Variants in HLTF observed in about 807,000 individuals in gnomAD.
HLTF encodes the protein DNA-dependent ATPase/E3 ubiquitin-protein ligase HLTF.
Under a neutral mutation model 129.4 loss-of-function variants are expected in HLTF, and 127 were observed. That is an observed-to-expected ratio of 0.98 (90% confidence interval 0.85 to 1.14). The LOEUF (loss-of-function observed/expected upper bound fraction) is 1.14, where lower values mean the gene tolerates loss of function less well. Ranked by LOEUF, HLTF falls within the 50% of genes most tolerant of loss-of-function variation. The pLI is 0.00. For synonymous variants in HLTF, 332 were observed against 388.8 expected (o/e 0.85, Z 1.72); for missense variants, 1,139 against 1,187.1 (o/e 0.96, Z 0.60).
At chr3:149,071,002 G>A (rs1395461130) in intron 7 of HLTF, among the ~76,000 whole-genome samples, 3 of 150,876 alleles carry the variant, frequency 2.0e-5, no homozygotes, top group Non-Finnish European at 2.9e-5. Context: ...CCAAGATCGC[G>A]TCACTGCACT....
At chr3:149,071,515 CA>C in intron 6 of HLTF, 67 bp downstream of exon 6, 1 of 1,484,726 alleles carries the variant, frequency 6.7e-7, no homozygotes, top group South Asian at 1.2e-5. Context: ...TGTGATTAAA[CA>C]AAAAGTAGAT....
rs539554684 is a variant in HLTF, at chr3:149,061,505, G to A, written c.1161-647C>T. 3.9e-5 allele frequency among the ~76,000 whole-genome samples: 6 copies of A among 152,068 alleles called. No homozygotes were observed. The South Asian group carries it at 1.0e-3, about 26-fold the overall frequency. On this transcript the variant is annotated intron_variant, in intron 10 of 24. Coordinates refer to ENST00000310053, the MANE Select transcript of HLTF (RefSeq NM_003071.4). ...ATTTCAATACCAGGTTTAATATTTG[G>A]TAGTTCAATTAAAGCATATAAAACT...
rs569179871 is a variant in HLTF, at chr3:149,062,251, T to G, written c.1160+1180A>C. Reference sequence around the variant, plus strand: ...GTCAGCTGTTGTTAAGTTTTTCTCATGTCCTCACCATTATTATTTCTATGT... The same window carrying G: ...GTCAGCTGTTGTTAAGTTTTTCTCAGGTCCTCACCATTATTATTTCTATGT... On this transcript the variant is annotated intron_variant, in intron 10 of 24. Coordinates refer to ENST00000310053, the MANE Select transcript of HLTF (RefSeq NM_003071.4). 2.0e-5 allele frequency among the ~76,000 whole-genome samples: 3 copies of G among 152,354 alleles called. No homozygotes were observed. In the South Asian group the frequency reaches 6.2e-4, roughly 32 times the overall value.
intron 3 of HLTF, 151 bp from the exon 4 acceptor site, chr3:149,074,499 G>A: frequency 3.1e-6 from 2 of 650,432 alleles, no homozygotes; most frequent in Non-Finnish European, 2.4e-6. Context: ...AAGAAAAAAA[G>A]GAAAAGAAAT....
In HLTF at chr3:149,081,527, C is replaced by T. The variant is rs147161446; in HGVS notation, c.228+3155G>A. The stretch of plus-strand genomic sequence containing the variant: ...AGAAACACAATCATTAAGAAAAATT[C>T]AAGAGAGCCTGCCTTGAAAAGAAAT... On this transcript the variant is annotated intron_variant, in intron 2 of 24. Coordinates refer to ENST00000310053, the MANE Select transcript of HLTF (RefSeq NM_003071.4). Among the ~76,000 whole-genome samples, 754 of 151,986 alleles carry T rather than the reference C, an allele frequency of 5.0e-3. 7 individuals carry two copies. Among genetic ancestry groups the T allele is most frequent in the African/African-American group, 0.018 (732 of 41,482 alleles).
intron 3 of HLTF, 67 bp from the exon 4 acceptor site, chr3:149,074,415 G>T: frequency 7.0e-7 from 1 of 1,421,070 alleles, no homozygotes; most frequent in East Asian, 2.3e-5. Flanking sequence ...CTAAGAATTA[G>T]TTCAATATTT....
intron 18 of HLTF, among the ~76,000 whole-genome samples, chr3:149,044,457 C>T (rs1049592326): frequency 6.6e-6 from 1 of 152,020 alleles, no homozygotes; most frequent in East Asian, 1.9e-4. Flanking sequence ...ATATTAGAAG[C>T]TTCCTTCCTC....
intron 14 of HLTF, 66 bp downstream of exon 14, chr3:149,055,235 CAG>C (rs1266606309): frequency 8.9e-7 from 1 of 1,122,934 alleles, no homozygotes; most frequent in Non-Finnish European, 1.3e-6. Flanking sequence ...GACTCTTTAA[CAG>C]AATACTTTCT....
chr3:149,085,721 G>A lies in HLTF; in HGVS notation c.20+596C>T, dbSNP rs146900465. 7.2e-5 allele frequency among the ~76,000 whole-genome samples: 11 copies of A among 152,176 alleles called. No individual in the cohort carries two copies. In the East Asian group the frequency reaches 2.1e-3, roughly 29 times the overall value. On this transcript the variant is annotated intron_variant, in intron 1 of 24. Coordinates refer to ENST00000310053, the MANE Select transcript of HLTF (RefSeq NM_003071.4). ...AAGCCACCCGTACCCGCCTTCCGTC[G>A]CCGGTTTAAGCATAACCCCAAACCC... is the stretch of plus-strand genomic sequence containing the variant.
chr3:149,084,310 T>C (rs1204994637), intron 2 of HLTF, among the ~76,000 whole-genome samples: 1 of 151,066 alleles, frequency 6.6e-6, no homozygotes, highest in East Asian at 1.9e-4. Flanking sequence ...GACACCCTAT[T>C]GAGAAGCTTA....
intron 14 of HLTF, among the ~76,000 whole-genome samples, chr3:149,052,650 A>G (rs199658833): frequency 1.3e-5 from 2 of 152,260 alleles, no homozygotes; most frequent in East Asian, 3.8e-4. Context: ...TGAAGAAAGT[A>G]TTAAACATGA....
intron 2 of HLTF, among the ~76,000 whole-genome samples, chr3:149,079,155 G>C (rs922018348): frequency 2.6e-5 from 4 of 151,634 alleles, no homozygotes; most frequent in African/African-American, 9.7e-5. Flanking sequence ...ACATACATAA[G>C]AGTACCATAA....
chr3:149,045,738 A>C (rs1376914162), intron 18 of HLTF, among the ~76,000 whole-genome samples: 2 of 152,124 alleles, frequency 1.3e-5, no homozygotes, highest in Non-Finnish European at 2.9e-5. Context: ...ACCTTCTACC[A>C]ATCCTTAATC....
At chr3:149,032,583 C>T (rs1715190972) in intron 24 of HLTF, among the ~76,000 whole-genome samples, 1 of 151,882 alleles carries the variant, frequency 6.6e-6, no homozygotes, top group African/African-American at 2.4e-5. Flanking sequence ...ATAGAAGTTA[C>T]AGATCACAAG....
rs550380918 is a variant in HLTF at position 149,032,160 on chromosome 3, T to A, written c.*60A>T. 14 of 1,284,268 alleles carry A rather than the reference T, an allele frequency of 1.1e-5. No homozygotes were observed. The Middle Eastern group carries it at 9.8e-4, about 90-fold the overall frequency. The allele number at this position is 1,284,268 out of a possible 1,614,324, so 79.6% of individuals were successfully genotyped here. On this transcript the variant is annotated 3_prime_UTR_variant, in exon 25 of 25. Coordinates refer to ENST00000310053, the MANE Select transcript of HLTF (RefSeq NM_003071.4). ...TAGATCTCATTTCTAAAACTCTGTATTTTTCTCATTTCTAAAACTTAAGTA... is the reference window on the plus strand; with the variant it reads ...TAGATCTCATTTCTAAAACTCTGTAATTTTCTCATTTCTAAAACTTAAGTA...
intron 15 of HLTF, among the ~76,000 whole-genome samples, chr3:149,049,419 A>G (rs1452856391): frequency 1.3e-5 from 2 of 152,186 alleles, no homozygotes; most frequent in Non-Finnish European, 2.9e-5. Flanking sequence ...AAAAGGTAAT[A>G]TTTTTACTAG....
At chr3:149,061,612 G>A (rs1717957336) in intron 10 of HLTF, among the ~76,000 whole-genome samples, 1 of 151,880 alleles carries the variant, frequency 6.6e-6, no homozygotes, top group Non-Finnish European at 1.5e-5. Flanking sequence ...GAGGTGGGCA[G>A]ATCACCTGAG....
Position 149,064,738 on chromosome 3 carries a change from CA to C in HLTF, c.1066+52del, listed in dbSNP as rs1476364222. 7.3e-6 allele frequency: 8 copies of C among 1,096,500 alleles called. No homozygotes were observed. In the Admixed American group the frequency reaches 1.4e-4, roughly 20 times the overall value. The allele number at this position is 1,096,500 out of a possible 1,614,324, so 67.9% of individuals were successfully genotyped here. A position where few individuals can be genotyped will look rare whatever the true frequency, so the allele number is the denominator to read the frequency against. On this transcript the variant is annotated intron_variant, in intron 9 of 24. Coordinates refer to ENST00000310053, the MANE Select transcript of HLTF (RefSeq NM_003071.4). ...CGCAAATCAAATATTGGGTCATATT[CA>C]AATTAAAGTTTACCAGATCAAATAT...
intron 13 of HLTF, among the ~76,000 whole-genome samples, chr3:149,058,824 G>A (rs9850529): frequency 0.3 from 45,033 of 152,072 alleles, 7,457 homozygotes; most frequent in Middle Eastern, 0.45. Context: ...CTTTGAAAAT[G>A]TTCTCTCTTG....
Sources: allele counts gnomAD v4.1 joint callset (sites outside exome capture counted in the v4.1 genomes callset), GRCh38; gene constraint gnomAD v4.1.1; transcripts MANE v1.5; gene names NCBI Gene and HGNC (gene_info 2026-07-23, HGNC 2026-07-21).